The following DLL1 variants were observed in gnomAD, a reference collection of about 807,000 sequenced individuals.
DLL1 encodes the protein delta like canonical Notch ligand 1.
In DLL1, 9 loss-of-function variants were observed where a neutral mutation model predicts 75.1. The ratio of observed to expected loss-of-function variants is 0.12; its 90% CI spans 0.07 to 0.21. The LOEUF (loss-of-function observed/expected upper bound fraction) is 0.21. Ranked by LOEUF, DLL1 falls within the 10% of genes least tolerant of loss-of-function variation. The pLI is 1.00. For missense variants in DLL1, 837 were observed against 1,007.6 expected (o/e 0.83, Z 2.29); for synonymous variants, 477 against 418.3 (o/e 1.14, Z -1.71).
chr6:170,290,367 A>T lies in DLL1; in HGVS notation c.-228T>A. The T allele has an allele frequency of 2.3e-6, 1 of 430,462 alleles. No individual in the cohort carries two copies. Among genetic ancestry groups the T allele is most frequent in the South Asian group, 6.3e-5 (1 of 15,792 alleles). The allele number at this position is 430,462 out of a possible 1,614,324, so 26.7% of individuals were successfully genotyped here. On this transcript the variant is annotated 5_prime_UTR_variant, in exon 1 of 11. Transcript: ENST00000366756. This position sits in a 1 kb window ranked among gnomAD's most constrained non-coding sequence, Gnocchi z 4.7. ...GCGAGGTCCCGCGGCAGCCCCAGGG[A>T]TGCCCGAGGAAAGGCAGCTCTCGGG...
intron 3 of DLL1, 66 bp from the exon 4 acceptor site, chr6:170,288,562 G>T: frequency 6.2e-7 from 1 of 1,613,762 alleles, no homozygotes; most frequent in Non-Finnish European, 8.5e-7. Flanking sequence ...CAGAGCGGGG[G>T]TGGGCCGAGA....
rs757289721 is a variant in DLL1, at chr6:170,288,368, C to G, written c.541G>C (p.Glu181Gln). 6.2e-7 allele frequency: 1 copy of G among 1,614,098 alleles called. No individual in the cohort carries two copies. ...GAGCAGCCCTCTCCGTAGTAGTGTT[C>G]GTCACACACGAAGCGGTAGGAGTAC... is the stretch of plus-strand genomic sequence containing the variant. ...LKYSYRFVCD[E>Q]HYYGEGCSVF... The change falls in exon 4 of 11, where the codon GAA becomes CAA. Residue 181 changes from glutamate (E) to glutamine (Q), a missense_variant. Coordinates refer to ENST00000366756, the MANE Select transcript of DLL1 (RefSeq NM_005618.4).
At chr6:170,289,880 G>T in intron 1 of DLL1, 72 bp from the exon 2 acceptor site, 1 of 1,481,952 alleles carries the variant, frequency 6.7e-7, no homozygotes, top group Non-Finnish European at 9.1e-7. Context: ...CCTGGGTGGG[G>T]GGTGTGCGGA....
chr6:170,287,687 T>A (rs1783733067), intron 4 of DLL1, among the ~76,000 whole-genome samples: 1 of 152,250 alleles, frequency 6.6e-6, no homozygotes, highest in Non-Finnish European at 1.5e-5. Context: ...CTTGGAGACC[T>A]GGCCTCAGCA....
Position 170,283,470 on chromosome 6 carries a change from T to G in DLL1, c.1809A>C (p.Ser603=), listed in dbSNP as rs374325272. 54 of 1,613,054 alleles carry G rather than the reference T, an allele frequency of 3.3e-5. No individual in the cohort carries two copies. Among genetic ancestry groups the G allele is most frequent in the Non-Finnish European group, 4.2e-5 (49 of 1,180,040 alleles). The change falls in exon 9 of 11, where the codon TCA becomes TCC. Residue 603 remains serine (S), a synonymous_variant. Coordinates refer to ENST00000366756, the MANE Select transcript of DLL1 (RefSeq NM_005618.4). ...TCTGCGTGGCCCCGATGATGCTGAC[T>G]GAGATGTCCTTCTCACGCTGGCAGT... The part of the protein sequence containing the change: ...LANCQREKDI[S]VSIIGATQIK...
Position 170,285,268 on chromosome 6 carries a change from C to T in DLL1, c.1018G>A (p.Gly340Arg), listed in dbSNP as rs754128922. The T allele has an allele frequency of 5.0e-6, 8 of 1,614,060 alleles. No homozygotes were observed. Among genetic ancestry groups the T allele is most frequent in the Middle Eastern group, 1.6e-4 (1 of 6,084 alleles). ...CTCCGACTCACCGTGCAGCTCCCTC[C>T]GTTCTTACAAGGGCTGGGGTCACAC... ...DECDPSPCKNGGSCTDLENSY... is the reference protein window; with the variant it reads ...DECDPSPCKNRGSCTDLENSY... Residue 340 changes from glycine to arginine, a missense_variant, in exon 7 of 11, where the codon GGA becomes AGA. Gly to Arg is a moderately radical substitution (Grantham distance 125, BLOSUM62 -2). Coordinates refer to ENST00000366756, the MANE Select transcript of DLL1 (RefSeq NM_005618.4).
rs1783832194 is a variant in DLL1, at chr6:170,290,367, A to G, written c.-228T>C. On this transcript the variant is annotated 5_prime_UTR_variant, in exon 1 of 11. Coordinates refer to ENST00000366756, the MANE Select transcript of DLL1 (RefSeq NM_005618.4). The surrounding 1 kb of genome is among the most constrained non-coding windows in gnomAD (Gnocchi z 4.7). ...GCGAGGTCCCGCGGCAGCCCCAGGGATGCCCGAGGAAAGGCAGCTCTCGGG... is the reference window on the plus strand; with the variant it reads ...GCGAGGTCCCGCGGCAGCCCCAGGGGTGCCCGAGGAAAGGCAGCTCTCGGG... 1 of 430,462 alleles carries G rather than the reference A, an allele frequency of 2.3e-6. No homozygotes were observed. Among genetic ancestry groups the G allele is most frequent in the East Asian group, 3.7e-5 (1 of 27,278 alleles). The allele number at this position is 430,462 out of a possible 1,614,324, so 26.7% of individuals were successfully genotyped here.
chr6:170,289,858 G>A (rs1156573135), intron 1 of DLL1, 50 bp from the exon 2 acceptor site: 2 of 1,528,826 alleles, frequency 1.3e-6, no homozygotes, highest in South Asian at 1.2e-5. Flanking sequence ...GCCCGAGCTA[G>A]GGGGCGTGAG....
At chr6:170,284,166 G>A in intron 8 of DLL1, 137 bp from the exon 9 acceptor site, 1 of 1,155,884 alleles carries the variant, frequency 8.7e-7, no homozygotes, top group Non-Finnish European at 1.2e-6. Context: ...TGAGTCCACA[G>A]CGCAAGGTGA....
Position 170,290,339 on chromosome 6 carries a change from C to A in DLL1, c.-200G>T, listed in dbSNP as rs1783831455. On this transcript the variant is annotated 5_prime_UTR_variant, in exon 1 of 11. Transcript: ENST00000366756. This position sits in a 1 kb window ranked among gnomAD's most constrained non-coding sequence, Gnocchi z 4.7. ...CAAGGCCGCGGTTCTTTATATCCGC[C>A]CTGCGAGGTCCCGCGGCAGCCCCAG... 8.4e-6 allele frequency: 4 copies of A among 473,466 alleles called. No homozygotes were observed. Among genetic ancestry groups the A allele is most frequent in the Non-Finnish European group, 1.4e-5 (4 of 282,860 alleles). The allele number at this position is 473,466 out of a possible 1,614,324, so 29.3% of individuals were successfully genotyped here. A position where few individuals can be genotyped will look rare whatever the true frequency, so the allele number is the denominator to read the frequency against.
At position 170,289,753 on chromosome 6, in the gene DLL1, C is replaced by T. The variant is rs1435056989; in HGVS notation, c.110G>A (p.Gly37Glu). 2 of 1,553,776 alleles carry T rather than the reference C, an allele frequency of 1.3e-6. No homozygotes were observed. The highest frequency in any genetic ancestry group is 1.7e-6 in the Non-Finnish European group (2 of 1,148,576). The change falls in exon 2 of 11, where the codon GGG becomes GAG. Residue 37 changes from glycine (G) to glutamate (E), a missense_variant. Gly to Glu is a moderately conservative substitution (Grantham distance 98). Around this residue, in one of 2 missense-constraint regions of DLL1, gnomAD observed 304 missense variants for 461.9 expected, o/e 0.66. Transcript: ENST00000366756. The stretch of plus-strand genomic sequence containing the variant: ...GCAGCAGTTGCGGTTCCCCAGCAGC[C>T]CCTTCTTGTTGACGAACTCCTGCAG... ...LKLQEFVNKKGLLGNRNCCRG... is the reference protein window; with the variant it reads ...LKLQEFVNKKELLGNRNCCRG...
At position 170,283,696 on chromosome 6, in the gene DLL1, G is replaced by A. The variant is rs202240161; in HGVS notation, c.1583C>T (p.Ala528Val). The A allele has an allele frequency of 6.0e-5, 93 of 1,557,656 alleles. 1 individual carries two copies. The East Asian group carries it at 1.1e-3, about 19-fold the overall frequency. The change falls in exon 9 of 11, where the codon GCG (alanine) becomes GTG (valine). Residue 528 changes from alanine to valine, a missense_variant. Ala to Val is a moderately conservative substitution (Grantham distance 64, BLOSUM62 0). Around this residue, in one of 2 missense-constraint regions of DLL1, gnomAD observed 533 missense variants for 545.7 expected, o/e 0.98. Transcript: ENST00000366756. ...FLLPELPPGPAVVDLTEKLEG... is the reference protein window; with the variant it reads ...FLLPELPPGPVVVDLTEKLEG... ...TAGCTTCTCAGTGAGGTCCACCACC[G>A]CTGGGCCCGGGGGCAGCTCGGGGAG... is the stretch of plus-strand genomic sequence containing the variant.
Position 170,283,682 on chromosome 6 carries a change from T to C in DLL1, c.1597A>G (p.Thr533Ala), listed in dbSNP as rs2114958204. The change falls in exon 9 of 11, where the codon ACT becomes GCT. Residue 533 changes from threonine (T) to alanine (A), a missense_variant. Coordinates refer to ENST00000366756, the MANE Select transcript of DLL1 (RefSeq NM_005618.4). ...LPPGPAVVDL[T>A]EKLEGQGGPF... ...CCGCCCTGGCCCTCTAGCTTCTCAGTGAGGTCCACCACCGCTGGGCCCGGG... is the reference window on the plus strand; with the variant it reads ...CCGCCCTGGCCCTCTAGCTTCTCAGCGAGGTCCACCACCGCTGGGCCCGGG... The C allele has an allele frequency of 4.5e-6, 7 of 1,569,346 alleles. No homozygotes were observed. Among genetic ancestry groups the C allele is most frequent in the Non-Finnish European group, 6.0e-6 (7 of 1,157,604 alleles).
In DLL1 at chr6:170,283,355, T is replaced by C; in HGVS notation, c.1924A>G (p.Asn642Asp). The C allele has an allele frequency of 6.2e-7, 1 of 1,612,656 alleles. No individual in the cohort carries two copies. The highest frequency in any genetic ancestry group is 8.5e-7 in the Non-Finnish European group (1 of 1,180,024). Residue 642 changes from asparagine to aspartate, a missense_variant, in exon 9 of 11, where the codon AAC (asparagine) becomes GAC (aspartate). Physicochemically the swap from Asn to Asp is conservative, Grantham distance 23. Coordinates refer to ENST00000366756, the MANE Select transcript of DLL1 (RefSeq NM_005618.4). ...TCACCCTTGAGGTCCTGCACGAGGT[T>C]ATAGTCCACCGCTGGGTAGCGGGCC... Reference protein sequence around the residue: ...FKARYPAVDYNLVQDLKGDDT... With the variant: ...FKARYPAVDYDLVQDLKGDDT...
intron 10 of DLL1, 21 bp from the exon 11 acceptor site, chr6:170,282,900 T>G: frequency 1.2e-6 from 2 of 1,614,174 alleles, no homozygotes; most frequent in Non-Finnish European, 1.7e-6. Context: ...ACAAGACAAA[T>G]GGGAAGTTAG....
chr6:170,282,886 G>T lies in DLL1; in HGVS notation c.2167-7C>A. ...TCTCACTTCCATTTTACACCTGGGG[G>T]GCCACAAGACAAATGGGAAGTTAGC... On this transcript the variant is annotated splice_polypyrimidine_tract_variant and splice_region_variant and intron_variant, in intron 10 of 10. Coordinates refer to ENST00000366756, the MANE Select transcript of DLL1 (RefSeq NM_005618.4). 1.9e-6 allele frequency: 3 copies of T among 1,614,154 alleles called. No homozygotes were observed. The highest frequency in any genetic ancestry group is 2.5e-6 in the Non-Finnish European group (3 of 1,180,026).
At chr6:170,284,102 T>A in intron 8 of DLL1, 73 bp from the exon 9 acceptor site, 1 of 1,521,166 alleles carries the variant, frequency 6.6e-7, no homozygotes, top group Non-Finnish European at 8.8e-7. Flanking sequence ...CTGAAGCATC[T>A]ATCTGTCTGA....
rs1388227255 is a variant in DLL1, at chr6:170,282,776, G to A, written c.*98C>T. On this transcript the variant is annotated 3_prime_UTR_variant, in exon 11 of 11. Coordinates refer to ENST00000366756, the MANE Select transcript of DLL1 (RefSeq NM_005618.4). ...ACTCGGTTTCTCAGCAGCAGTCCAC[G>A]AGGCCTCCCTCCTCTTCAGCAGCAT... 22 of 1,596,218 alleles carry A rather than the reference G, an allele frequency of 1.4e-5. No homozygotes were observed. The highest frequency in any genetic ancestry group is 2.2e-4 in the Middle Eastern group (1 of 4,550).
Position 170,285,016 on chromosome 6 carries a change from G to C in DLL1, c.1152C>G (p.Ser384Arg). Residue 384 changes from serine to arginine, a missense_variant, in exon 8 of 11, where the codon AGC (serine) becomes AGG (arginine). By Grantham distance (110) the Ser-to-Arg change is moderately radical. Coordinates refer to ENST00000366756, the MANE Select transcript of DLL1 (RefSeq NM_005618.4). ...AGCGGCAGCTGTACCCTCCATCGGG[G>C]CTGTCTGAGCACCGACCCCCGTTAA... ...PCFNGGRCSD[S>R]PDGGYSCRCP... 1 of 1,614,082 alleles carries C rather than the reference G, an allele frequency of 6.2e-7. No individual in the cohort carries two copies. The highest frequency in any genetic ancestry group is 8.5e-7 in the Non-Finnish European group (1 of 1,180,026).
Sources: gnomAD v4.1 joint callset for allele counts (sites outside exome capture counted in the v4.1 genomes callset) on GRCh38, gnomAD v4.1.1 for gene constraint, gnomAD v4.1.1 regional missense constraint, Gnocchi (gnomAD v3.1) non-coding constraint, MANE v1.5 for transcripts, NCBI Gene and HGNC (gene_info 2026-07-23, HGNC 2026-07-21) for gene names.